Variants in GRM8 observed in about 807,000 individuals in gnomAD.
The protein encoded by GRM8 is metabotropic glutamate receptor 8.
A neutral mutation model predicts 87.2 loss-of-function variants in GRM8; 47 were observed. The observed-to-expected ratio is 0.54, with a 90% CI of 0.43 to 0.69. The LOEUF (loss-of-function observed/expected upper bound fraction) is 0.69. GRM8 is among the 30% of genes least tolerant of loss of function. GRM8 has a pLI of 0.00. For missense variants in GRM8, 1,019 were observed against 1,139.2 expected, an observed-to-expected ratio of 0.89 and a Z score of 1.52; for synonymous variants, 396 against 404.5, an observed-to-expected ratio of 0.98 and a Z score of 0.25.
chr7:127,030,502 C>A (rs1374663798), intron 3 of GRM8, among the ~76,000 whole-genome samples: 9 of 152,090 alleles, frequency 5.9e-5, no homozygotes, highest in Non-Finnish European at 1.0e-4. Context: ...CGGGGGAATA[C>A]CGTTGATATG....
chr7:126,623,770 G>A (rs1396303224), intron 7 of GRM8, among the ~76,000 whole-genome samples: 2 of 152,108 alleles, frequency 1.3e-5, no homozygotes, highest in Admixed American at 1.3e-4. Flanking sequence ...TTCTCCAGAG[G>A]TAAAAATAAA....
intron 2 of GRM8, among the ~76,000 whole-genome samples, chr7:127,189,166 T>C (rs1794890710): frequency 6.6e-6 from 1 of 152,204 alleles, no homozygotes; most frequent in African/African-American, 2.4e-5. Flanking sequence ...CCTGCAGACC[T>C]AAGCAGGTTT....
At chr7:126,987,330 T>A (rs1234809795) in intron 3 of GRM8, among the ~76,000 whole-genome samples, 1 of 152,302 alleles carries the variant, frequency 6.6e-6, no homozygotes. Flanking sequence ...CACTAGCTCA[T>A]GTACCTCCTG....
intron 6 of GRM8, among the ~76,000 whole-genome samples, chr7:126,822,798 C>G (rs927695813): frequency 6.6e-6 from 1 of 152,180 alleles, no homozygotes; most frequent in Non-Finnish European, 1.5e-5. Flanking sequence ...GTGCTTATCT[C>G]TGACTACACA....
At chr7:126,943,103 G>C (rs11563286) in intron 3 of GRM8, among the ~76,000 whole-genome samples, 22,877 of 152,176 alleles carry the variant, frequency 0.15, 1,984 homozygotes, top group Non-Finnish European at 0.21. Context: ...TGAAAAGCAA[G>C]ATTCTAGATT....
chr7:127,016,380 T>C (rs1209489277), intron 3 of GRM8, among the ~76,000 whole-genome samples: 1 of 152,054 alleles, frequency 6.6e-6, no homozygotes, highest in Non-Finnish European at 1.5e-5. Flanking sequence ...ACAAAGTCTT[T>C]ATGCATTCCA....
chr7:126,626,484 T>A (rs1585272667), intron 7 of GRM8, among the ~76,000 whole-genome samples: 1 of 152,224 alleles, frequency 6.6e-6, no homozygotes, highest in Non-Finnish European at 1.5e-5. Context: ...TTCTTTTTGT[T>A]GAATAATACC....
rs1436052896 is a variant in GRM8, at chr7:126,781,745, T to A, written c.1157-11680A>T. On this transcript the variant is annotated intron_variant, in intron 6 of 10. Transcript: ENST00000339582. ...TATTTGTTTATTTTGAGACAGGGTC[T>A]CACTCTGTCACCCAGACTGGAGTGC... Among the ~76,000 whole-genome samples, 3 of 152,180 alleles carry A rather than the reference T, an allele frequency of 2.0e-5. No individual in the cohort carries two copies. The East Asian group carries it at 5.8e-4, about 29-fold the overall frequency.
chr7:126,922,976 G>A (rs1804694652), intron 3 of GRM8, among the ~76,000 whole-genome samples: 1 of 152,136 alleles, frequency 6.6e-6, no homozygotes. Context: ...GCAGAATCAT[G>A]AGCCAATTAA....
At chr7:126,717,212 C>G (rs1811854681) in intron 7 of GRM8, among the ~76,000 whole-genome samples, 3 of 151,214 alleles carry the variant, frequency 2.0e-5, no homozygotes, top group African/African-American at 7.4e-5. Context: ...TCAGGCAACT[C>G]TGGATAGGGA....
At chr7:127,173,986 T>C (rs751534609) in intron 2 of GRM8, among the ~76,000 whole-genome samples, 18 of 152,212 alleles carry the variant, frequency 1.2e-4, no homozygotes, top group African/African-American at 1.7e-4. Context: ...GACTTTTTGA[T>C]ATAAATTAAA....
chr7:126,656,831 A>G (rs963263909), intron 7 of GRM8, among the ~76,000 whole-genome samples: 2 of 152,204 alleles, frequency 1.3e-5, no homozygotes, highest in African/African-American at 4.8e-5. Context: ...AATAATAAAA[A>G]GTTATGCCTC....
intron 3 of GRM8, chr7:127,075,997 T>A (rs567019900): frequency 2.7e-6 from 1 of 366,594 alleles, no homozygotes; most frequent in Non-Finnish European, 5.4e-6. Context: ...TTGAATTGTA[T>A]GCTGGCCAAT....
chr7:127,161,711 A>G (rs141564929), intron 2 of GRM8, among the ~76,000 whole-genome samples: 85 of 152,304 alleles, frequency 5.6e-4, no homozygotes, highest in Non-Finnish European at 1.0e-3. Context: ...ACTAATTTCT[A>G]TAAGACATGA....
At chr7:126,895,403 A>G (rs1229554623) in intron 6 of GRM8, among the ~76,000 whole-genome samples, 1 of 152,050 alleles carries the variant, frequency 6.6e-6, no homozygotes, top group African/African-American at 2.4e-5. Context: ...AGAGCTCACC[A>G]GGATCCATGT....
At chr7:126,926,455 C>T (rs1246623900) in intron 3 of GRM8, among the ~76,000 whole-genome samples, 1 of 152,076 alleles carries the variant, frequency 6.6e-6, no homozygotes, top group Non-Finnish European at 1.5e-5. Context: ...ACTGCCATGG[C>T]CTTAGTTCAA....
chr7:126,506,348 C>T lies in GRM8; in HGVS notation c.2430+26604G>A, dbSNP rs76717578. Among the ~76,000 whole-genome samples, 753 of 152,072 alleles carry T rather than the reference C, an allele frequency of 5.0e-3. 19 individuals carry two copies. The East Asian group carries it at 0.079, about 16-fold the overall frequency. ...GTTTTCCCTACATGACTTTATGATGCTTCTTTCAAATGTACTCCCTACAAA... is the reference window on the plus strand; with the variant it reads ...GTTTTCCCTACATGACTTTATGATGTTTCTTTCAAATGTACTCCCTACAAA... On this transcript the variant is annotated intron_variant, in intron 9 of 10. Coordinates refer to ENST00000339582, the MANE Select transcript of GRM8 (RefSeq NM_000845.3).
chr7:126,989,169 G>T (rs1048592064), intron 3 of GRM8, among the ~76,000 whole-genome samples: 3 of 152,010 alleles, frequency 2.0e-5, no homozygotes, highest in African/African-American at 7.2e-5. Context: ...TCCCATAGAG[G>T]CTCTTAGGGT....
At chr7:126,542,060 T>C (rs1434319579) in intron 8 of GRM8, among the ~76,000 whole-genome samples, 1 of 152,166 alleles carries the variant, frequency 6.6e-6, no homozygotes, top group African/African-American at 2.4e-5. Flanking sequence ...GGCCATGGAA[T>C]GGCACAAGGA....
Sources: gnomAD v4.1 joint callset for allele counts (sites outside exome capture counted in the v4.1 genomes callset) on GRCh38, gnomAD v4.1.1 for gene constraint, MANE v1.5 for transcripts, NCBI Gene and HGNC (gene_info 2026-07-23, HGNC 2026-07-21) for gene names.